The following PSTPIP2 variants were observed in gnomAD, a reference collection of about 807,000 sequenced individuals.
The protein encoded by PSTPIP2 is proline-serine-threonine phosphatase-interacting protein 2.
PSTPIP2 carries 33 observed loss-of-function variants against 63.3 expected under a neutral mutation model. That is an observed-to-expected ratio of 0.52 (90% CI 0.40 to 0.70). The LOEUF is 0.70. Among genes scored for constraint, PSTPIP2 ranks in the 30% least tolerant of loss-of-function variants. The probability of loss-of-function intolerance (pLI) is 0.00; values close to 1 mark genes in which losing one functional copy is unlikely to be tolerated. For missense variants in PSTPIP2, 312 were observed against 400.7 expected (o/e 0.78, Z 1.89); for synonymous variants, 125 against 132.7 (o/e 0.94, Z 0.40).
intron 5 of PSTPIP2, among the ~76,000 whole-genome samples, chr18:46,009,292 A>G (rs1028526636): frequency 1.3e-5 from 2 of 151,414 alleles, no homozygotes; most frequent in Non-Finnish European, 2.9e-5. Flanking sequence ...GTGAAAGACC[A>G]AAGCGTGTGT....
At chr18:46,013,533 T>C (rs1331024803) in intron 4 of PSTPIP2, among the ~76,000 whole-genome samples, 1 of 151,930 alleles carries the variant, frequency 6.6e-6, no homozygotes, top group Non-Finnish European at 1.5e-5. Context: ...TGCCAGTGCC[T>C]CACCCTGGAT....
chr18:46,031,673 A>G (rs761092648), intron 2 of PSTPIP2, among the ~76,000 whole-genome samples: 3 of 152,216 alleles, frequency 2.0e-5, no homozygotes, highest in Non-Finnish European at 4.4e-5. Context: ...AATATATAAT[A>G]TACAGGCATT....
At position 45,990,405 on chromosome 18, in the gene PSTPIP2, C is replaced by T. The variant is rs904937900; in HGVS notation, c.955+317G>A. 4.6e-5 allele frequency among the ~76,000 whole-genome samples: 7 copies of T among 151,800 alleles called. No individual in the cohort carries two copies. In the South Asian group the frequency reaches 8.3e-4, roughly 18 times the overall value. Reference sequence around the variant, plus strand: ...TAAAGAAAACCCAATATAAGAATTTCGTGGGTTTTTTGGGGTTTTTTTGTT... The same window carrying T: ...TAAAGAAAACCCAATATAAGAATTTTGTGGGTTTTTTGGGGTTTTTTTGTT... On this transcript the variant is annotated intron_variant, in intron 13 of 14. Transcript: ENST00000409746.
intron 1 of PSTPIP2, among the ~76,000 whole-genome samples, chr18:46,057,391 A>G (rs1343908099): frequency 6.6e-6 from 1 of 151,004 alleles, no homozygotes; most frequent in Non-Finnish European, 1.5e-5. Flanking sequence ...ACAATGGCGC[A>G]GTCTCAGCTC....
intron 13 of PSTPIP2, among the ~76,000 whole-genome samples, chr18:45,989,034 T>G (rs1684692439): frequency 1.3e-5 from 2 of 152,174 alleles, no homozygotes; most frequent in African/African-American, 2.4e-5. Flanking sequence ...AGAAATAGCA[T>G]CCTACATTAC....
intron 1 of PSTPIP2, among the ~76,000 whole-genome samples, chr18:46,063,656 A>T (rs1046514985): frequency 1.3e-5 from 2 of 152,064 alleles, no homozygotes; most frequent in Admixed American, 1.3e-4. Context: ...TATATACAAA[A>T]ATATATATTT....
At chr18:46,027,269 T>G (rs920947922) in intron 2 of PSTPIP2, among the ~76,000 whole-genome samples, 3 of 151,084 alleles carry the variant, frequency 2.0e-5, no homozygotes, top group Admixed American at 2.0e-4. Context: ...CACTCCAGCC[T>G]GGGCGACAAG....
At chr18:46,067,177 T>G (rs1038062906) in intron 1 of PSTPIP2, among the ~76,000 whole-genome samples, 1 of 152,076 alleles carries the variant, frequency 6.6e-6, no homozygotes, top group Non-Finnish European at 1.5e-5. Context: ...ACAGCCCTCC[T>G]GGTGTGTTTC....
chr18:46,033,926 G>C (rs949114708), intron 2 of PSTPIP2, among the ~76,000 whole-genome samples: 2 of 152,164 alleles, frequency 1.3e-5, no homozygotes, highest in Admixed American at 1.3e-4. Flanking sequence ...ACTTGTGAGA[G>C]AATAAATTCT....
chr18:45,989,105 A>G (rs2051496758), intron 13 of PSTPIP2, among the ~76,000 whole-genome samples: 1 of 152,318 alleles, frequency 6.6e-6, no homozygotes, highest in Non-Finnish European at 1.5e-5. Context: ...TTGTTCAAAG[A>G]TATAATTTCA....
chr18:46,058,571 G>A (rs1908862003), intron 1 of PSTPIP2, among the ~76,000 whole-genome samples: 1 of 152,032 alleles, frequency 6.6e-6, no homozygotes, highest in Non-Finnish European at 1.5e-5. Context: ...GTGTTGGCCA[G>A]GCTGGTCTCA....
chr18:46,071,235 G>A (rs759173623), intron 1 of PSTPIP2, among the ~76,000 whole-genome samples: 3 of 152,164 alleles, frequency 2.0e-5, no homozygotes, highest in Non-Finnish European at 4.4e-5. Context: ...GGGTGGTGGG[G>A]GGAGGCAAGC....
intron 1 of PSTPIP2, among the ~76,000 whole-genome samples, chr18:46,070,588 A>C (rs2144142697): frequency 6.6e-6 from 1 of 152,346 alleles, no homozygotes; most frequent in East Asian, 1.9e-4. Context: ...ATCATAGCTC[A>C]CTGCAACCTC....
chr18:46,058,868 G>T (rs935406983), intron 1 of PSTPIP2, among the ~76,000 whole-genome samples: 1 of 152,294 alleles, frequency 6.6e-6, no homozygotes, highest in Non-Finnish European at 1.5e-5. Flanking sequence ...CAGGTGGCCA[G>T]GACCTAGGAC....
At chr18:46,024,783 AC>A in intron 2 of PSTPIP2, 97 bp from the exon 3 acceptor site, 1 of 882,938 alleles carries the variant, frequency 1.1e-6, no homozygotes, top group Non-Finnish European at 1.9e-6. Flanking sequence ...TGCACCTGTG[AC>A]CATAGAAGCT....
At chr18:45,989,136 A>C (rs2051497073) in intron 13 of PSTPIP2, among the ~76,000 whole-genome samples, 3 of 152,130 alleles carry the variant, frequency 2.0e-5, no homozygotes, top group African/African-American at 2.4e-5. Flanking sequence ...TTTTTTTTCC[A>C]TCACTAAATT....
At chr18:46,055,086 C>T (rs1358815761) in intron 1 of PSTPIP2, among the ~76,000 whole-genome samples, 2 of 152,144 alleles carry the variant, frequency 1.3e-5, no homozygotes, top group Non-Finnish European at 2.9e-5. Flanking sequence ...TAAAGTCGCA[C>T]TGGTCTTTCT....
At chr18:46,040,170 C>T (rs760954228) in intron 1 of PSTPIP2, 123 bp from the exon 2 acceptor site, 34 of 680,602 alleles carry the variant, frequency 5.0e-5, no homozygotes, top group Admixed American at 1.3e-4. Context: ...TTTGAGATGG[C>T]GCAGGGACCC....
Position 45,988,435 on chromosome 18 carries a change from G to GAAAAAAAAAAAAAAAA in PSTPIP2, c.*8+266_*8+267insTTTTTTTTTTTTTTTT, listed in dbSNP as rs548829215. ...GGGTGACACAGCGAGACTCTGCTTC[G>GAAAAAAAAAAAAAAAA]AAAAAAAAAAGCAGATAAAGAGTTA... is the stretch of plus-strand genomic sequence containing the variant. On this transcript the variant is annotated intron_variant, in intron 14 of 14. Coordinates refer to ENST00000409746, the MANE Select transcript of PSTPIP2 (RefSeq NM_024430.4). 1.1e-3 allele frequency among the ~76,000 whole-genome samples: 139 copies of GAAAAAAAAAAAAAAAA among 128,302 alleles called. 1 individual carries two copies. Among genetic ancestry groups the GAAAAAAAAAAAAAAAA allele is most frequent in the East Asian group, 3.5e-3 (14 of 3,958 alleles). 84.2% of individuals were successfully genotyped at this position (128,302 alleles called of 152,430 possible).
Sources: gnomAD v4.1 joint callset for allele counts (sites outside exome capture counted in the v4.1 genomes callset) on GRCh38, gnomAD v4.1.1 for gene constraint, MANE v1.5 for transcripts, NCBI Gene and HGNC (gene_info 2026-07-23, HGNC 2026-07-21) for gene names.